Variants in RORA observed in about 807,000 individuals in gnomAD.
The protein encoded by RORA is nuclear receptor ROR-alpha.
In RORA, 7 loss-of-function variants were observed where a neutral mutation model predicts 69.5. The ratio of observed to expected loss-of-function variants is 0.10; its 90% CI spans 0.06 to 0.19. The LOEUF (loss-of-function observed/expected upper bound fraction) is 0.19, where lower values mean the gene tolerates loss of function less well. Among genes scored for constraint, RORA ranks in the 10% least tolerant of loss-of-function variants. RORA has a pLI of 1.00. For missense variants in RORA, 457 were observed against 663.0 expected (o/e 0.69, Z 3.41); for synonymous variants, 261 against 240.8 (o/e 1.08, Z -0.78).
chr15:61,184,151 A>C (rs1454415783), intron 1 of RORA, among the ~76,000 whole-genome samples: 2 of 152,170 alleles, frequency 1.3e-5, no homozygotes, highest in Non-Finnish European at 2.9e-5. Flanking sequence ...TGCATTTCAC[A>C]ATTTTGCCCC....
intron 2 of RORA, among the ~76,000 whole-genome samples, chr15:60,580,912 G>A (rs340002): frequency 0.21 from 32,024 of 152,032 alleles, 3,413 homozygotes; most frequent in East Asian, 0.31. Context: ...TCTTTACAGC[G>A]CCTCTTTTAC....
intron 1 of RORA, among the ~76,000 whole-genome samples, chr15:61,004,666 T>G (rs1406626496): frequency 6.6e-6 from 1 of 152,166 alleles, no homozygotes; most frequent in Non-Finnish European, 1.5e-5. Context: ...GAACTTTAAT[T>G]TTATGCCTCC....
At chr15:61,117,798 T>G (rs1226082910) in intron 1 of RORA, among the ~76,000 whole-genome samples, 1 of 152,260 alleles carries the variant, frequency 6.6e-6, no homozygotes, top group Non-Finnish European at 1.5e-5. Flanking sequence ...AATGTAAGTA[T>G]TCTTAATTTT....
chr15:60,862,364 G>A (rs1206491462), intron 1 of RORA, among the ~76,000 whole-genome samples: 1 of 152,192 alleles, frequency 6.6e-6, no homozygotes, highest in Non-Finnish European at 1.5e-5. Context: ...GATGGACAAG[G>A]AAAAGTGGGC....
chr15:60,541,698 TAAG>T (rs1439874564), intron 2 of RORA, among the ~76,000 whole-genome samples: 1 of 152,236 alleles, frequency 6.6e-6, no homozygotes, highest in Non-Finnish European at 1.5e-5. Flanking sequence ...AGATTTATTT[TAAG>T]AAGGTCTGAC....
chr15:60,656,199 C>T (rs934573971), intron 2 of RORA, among the ~76,000 whole-genome samples: 5 of 152,166 alleles, frequency 3.3e-5, no homozygotes, highest in Admixed American at 1.3e-4. Context: ...TTCCTCACTT[C>T]GCAGATACGG....
chr15:60,835,768 C>T (rs1326251998), intron 1 of RORA, among the ~76,000 whole-genome samples: 1 of 152,232 alleles, frequency 6.6e-6, no homozygotes, highest in East Asian at 1.9e-4. Context: ...TTACGATCCT[C>T]TGCTTTGGTT....
intron 1 of RORA, among the ~76,000 whole-genome samples, chr15:60,892,871 A>G (rs1177739636): frequency 1.3e-5 from 2 of 152,234 alleles, no homozygotes; most frequent in African/African-American, 4.8e-5. Flanking sequence ...TCGCATTACC[A>G]TCAACGTCAC....
At chr15:61,168,401 G>A (rs2079556898) in intron 1 of RORA, among the ~76,000 whole-genome samples, 1 of 151,818 alleles carries the variant, frequency 6.6e-6, no homozygotes, top group Non-Finnish European at 1.5e-5. Context: ...ACTAATTTTT[G>A]TATTTTTACA....
chr15:60,561,112 C>T (rs1299740024), intron 2 of RORA, among the ~76,000 whole-genome samples: 8 of 135,772 alleles, frequency 5.9e-5, no homozygotes, highest in East Asian at 4.3e-4. Flanking sequence ...GACGGAGTCT[C>T]GCTCTGTCGC....
chr15:60,696,264 G>A (rs1361141291), intron 1 of RORA, among the ~76,000 whole-genome samples: 4 of 152,060 alleles, frequency 2.6e-5, no homozygotes, highest in African/African-American at 4.8e-5. Context: ...CCACGGAGCC[G>A]AGTAAAATAT....
chr15:60,865,603 C>T (rs1445484261), intron 1 of RORA, among the ~76,000 whole-genome samples: 1 of 152,172 alleles, frequency 6.6e-6, no homozygotes, highest in Non-Finnish European at 1.5e-5. Context: ...TGAGGCATTA[C>T]ACAGTTTAAG....
intron 1 of RORA, among the ~76,000 whole-genome samples, chr15:60,934,349 T>C (rs1269753431): frequency 6.6e-6 from 1 of 152,174 alleles, no homozygotes. Flanking sequence ...TTCTCAAACT[T>C]TAGCAAGGGT....
chr15:60,585,189 T>C (rs1219584574), intron 2 of RORA, among the ~76,000 whole-genome samples: 1 of 152,172 alleles, frequency 6.6e-6, no homozygotes, highest in Non-Finnish European at 1.5e-5. Context: ...AAGATCTATA[T>C]TCATTCCTCA....
intron 2 of RORA, among the ~76,000 whole-genome samples, chr15:60,625,557 A>G (rs1299575355): frequency 7.9e-5 from 12 of 152,242 alleles, no homozygotes; most frequent in Admixed American, 3.9e-4. Flanking sequence ...AAACAAATTA[A>G]AAATTTATTA....
chr15:61,216,637 G>A (rs2080043258), intron 1 of RORA, among the ~76,000 whole-genome samples: 1 of 152,140 alleles, frequency 6.6e-6, no homozygotes, highest in African/African-American at 2.4e-5. Context: ...GCCTGGATGG[G>A]GCAGCCAGAG....
chr15:60,708,096 G>A (rs2071089353), intron 1 of RORA, among the ~76,000 whole-genome samples: 1 of 152,302 alleles, frequency 6.6e-6, no homozygotes, highest in Non-Finnish European at 1.5e-5. Context: ...TCAGGATAGA[G>A]AGCTTATCTG....
At chr15:61,046,001 C>T (rs1365831560) in intron 1 of RORA, among the ~76,000 whole-genome samples, 1 of 152,102 alleles carries the variant, frequency 6.6e-6, no homozygotes, top group African/African-American at 2.4e-5. Flanking sequence ...CAGACCAGAA[C>T]AAGAGAGGGC....
intron 10 of RORA, among the ~76,000 whole-genome samples, chr15:60,498,337 G>A (rs574609073): frequency 3.3e-5 from 5 of 152,196 alleles, no homozygotes; most frequent in African/African-American, 1.2e-4. Context: ...GTGGTGGGTG[G>A]GTAGTGAAGG....
Sources: gnomAD v4.1 joint callset for allele counts (sites outside exome capture counted in the v4.1 genomes callset) on GRCh38, gnomAD v4.1.1 for gene constraint, MANE v1.5 for transcripts, NCBI Gene and HGNC (gene_info 2026-07-23, HGNC 2026-07-21) for gene names.